The following SPAG17 variants were observed in gnomAD, a reference collection of about 807,000 sequenced individuals.
SPAG17 encodes sperm-associated antigen 17.
In SPAG17, 169 loss-of-function variants were observed where a neutral mutation model predicts 273.6. The observed-to-expected ratio is 0.62, with a 90% CI of 0.55 to 0.70. The LOEUF (loss-of-function observed/expected upper bound fraction) is 0.70. SPAG17 is among the 30% of genes least tolerant of loss of function. SPAG17 has a pLI of 0.00. For synonymous variants in SPAG17, 825 were observed against 873.2 expected (o/e 0.94, Z 0.97); for missense variants, 2,557 against 2,627.8 (o/e 0.97, Z 0.59).
At chr1:118,124,051 T>A (rs905358246) in intron 3 of SPAG17, among the ~76,000 whole-genome samples, 2 of 152,242 alleles carry the variant, frequency 1.3e-5, no homozygotes, top group African/African-American at 4.8e-5. Context: ...GCTTCCTTTT[T>A]ATTAAGGAGT....
intron 10 of SPAG17, among the ~76,000 whole-genome samples, chr1:118,089,331 A>ATGTGTGTGTGTGTGTGTG (rs1399944267): frequency 2.3e-5 from 1 of 43,644 alleles, no homozygotes; most frequent in Non-Finnish European, 4.9e-5. Context: ...TATGTAGATG[A>ATGTGTGTGTGTGTGTGTG]CGTGTGTGTG....
Position 118,062,773 on chromosome 1 carries a change from T to C in SPAG17, c.2540+3972A>G, listed in dbSNP as rs563622351. Among the ~76,000 whole-genome samples, 94 of 152,298 alleles carry C rather than the reference T, an allele frequency of 6.2e-4. 1 individual carries two copies. Among genetic ancestry groups the C allele is most frequent in the African/African-American group, 1.9e-3 (77 of 41,550 alleles). The stretch of plus-strand genomic sequence containing the variant: ...GTGGAAGATTTAAAAAATACATCAC[T>C]ACGGTCAGAAATTAGAGAACATTCC... On this transcript the variant is annotated intron_variant, in intron 18 of 48. Transcript: ENST00000336338.
chr1:118,117,947 A>G (rs1657188771), intron 3 of SPAG17, among the ~76,000 whole-genome samples: 1 of 152,268 alleles, frequency 6.6e-6, no homozygotes, highest in African/African-American at 2.4e-5. Flanking sequence ...ATCTGAGACA[A>G]CATTTTCATG....
chr1:118,054,698 T>A lies in SPAG17; in HGVS notation c.2723-605A>T, dbSNP rs181500544. 8.4e-3 allele frequency among the ~76,000 whole-genome samples: 1,277 copies of A among 152,134 alleles called. 5 individuals carry two copies. The highest frequency in any genetic ancestry group is 0.017 in the African/African-American group (722 of 41,546). ...TAGAGGGCAGCCCTACCCATTTTTTTAAAAAATATAGTCCTATCTATTTAT... is the reference window on the plus strand; with the variant it reads ...TAGAGGGCAGCCCTACCCATTTTTTAAAAAAATATAGTCCTATCTATTTAT... On this transcript the variant is annotated intron_variant, in intron 19 of 48. Coordinates refer to ENST00000336338, the MANE Select transcript of SPAG17 (RefSeq NM_206996.4).
At chr1:118,126,637 C>G (rs1034562550) in intron 3 of SPAG17, among the ~76,000 whole-genome samples, 1 of 152,158 alleles carries the variant, frequency 6.6e-6, no homozygotes, top group Non-Finnish European at 1.5e-5. Context: ...TATAGGTTGT[C>G]TCTTCACTCT....
intron 25 of SPAG17, among the ~76,000 whole-genome samples, chr1:118,030,145 C>T (rs1648269586): frequency 2.0e-5 from 3 of 151,810 alleles, no homozygotes; most frequent in African/African-American, 7.3e-5. Context: ...AACACTTGAA[C>T]ATTTTTACTT....
chr1:117,976,901 G>T (rs906656877), intron 43 of SPAG17, among the ~76,000 whole-genome samples: 1 of 152,090 alleles, frequency 6.6e-6, no homozygotes, highest in Non-Finnish European at 1.5e-5. Flanking sequence ...TGACTCTATT[G>T]TATTTTCCAG....
chr1:117,954,016 A>G lies in SPAG17; in HGVS notation c.*34T>C, dbSNP rs1264374677. 6.2e-7 allele frequency: 1 copy of G among 1,611,350 alleles called. No homozygotes were observed. The highest frequency in any genetic ancestry group is 1.1e-5 in the South Asian group (1 of 90,928). On this transcript the variant is annotated 3_prime_UTR_variant, in exon 49 of 49. Coordinates refer to ENST00000336338, the MANE Select transcript of SPAG17 (RefSeq NM_206996.4). ...TTCTCATCCTCTGTAGGCTGAGAGG[A>G]TTATGGAGGCTATTGAGTTGTACCG...
Position 118,055,742 on chromosome 1 carries a change from CT to C in SPAG17, c.2712del (p.Glu905AsnfsTer29). On this transcript the variant is annotated frameshift_variant, in exon 19 of 49. Transcript: ENST00000336338. LOFTEE classifies it high-confidence loss of function. ...LTSASKIFSI[K>X]ESKSNKGISK... ...TGAACTGGTTACTTACTTTTAGATT[CT>C]TTAATGGAAAAAATTTTGCTAGCAG... 1.2e-6 allele frequency: 2 copies of C among 1,611,134 alleles called. No homozygotes were observed. The highest frequency in any genetic ancestry group is 2.2e-5 in the South Asian group (2 of 90,332).
At chr1:118,150,386 A>AT (rs901076722) in intron 3 of SPAG17, 157 bp downstream of exon 3, 48 of 418,274 alleles carry the variant, frequency 1.1e-4, no homozygotes, top group Non-Finnish European at 1.7e-4. Context: ...AAGGAGGCAG[A>AT]TTTTTTTTGT....
intron 32 of SPAG17, among the ~76,000 whole-genome samples, chr1:118,004,854 G>A (rs1658708129): frequency 6.6e-6 from 1 of 152,206 alleles, no homozygotes; most frequent in Admixed American, 6.5e-5. Flanking sequence ...AGATGAACCA[G>A]GTACTTCAGT....
chr1:117,968,970 G>A (rs118048268), intron 46 of SPAG17, among the ~76,000 whole-genome samples: 2,030 of 152,114 alleles, frequency 0.013, 44 homozygotes, highest in South Asian at 0.099. Context: ...CATCCTCTGC[G>A]CCCTGACCAC....
At chr1:118,099,871 T>C (rs1655951641) in intron 5 of SPAG17, 71 bp from the exon 6 acceptor site, 1 of 1,334,290 alleles carries the variant, frequency 7.5e-7, no homozygotes, top group Non-Finnish European at 1.1e-6. Context: ...GCCAGTTCAA[T>C]GGCTATATAC....
chr1:118,067,000 A>C, intron 17 of SPAG17, 101 bp from the exon 18 acceptor site: 1 of 1,051,954 alleles, frequency 9.5e-7, no homozygotes. Flanking sequence ...TCCTACATTC[A>C]CCTCTACATT....
At chr1:117,999,384 A>G (rs1462532345) in intron 32 of SPAG17, among the ~76,000 whole-genome samples, 1 of 152,148 alleles carries the variant, frequency 6.6e-6, no homozygotes, top group Non-Finnish European at 1.5e-5. Context: ...TTCTGGTTCT[A>G]GGGCCTTGAG....
intron 1 of SPAG17, among the ~76,000 whole-genome samples, chr1:118,183,572 A>G (rs1208837720): frequency 6.6e-6 from 1 of 152,246 alleles, no homozygotes; most frequent in Non-Finnish European, 1.5e-5. Context: ...CTATTAATAC[A>G]TAAGATTTAT....
At chr1:118,153,844 C>T (rs890103151) in intron 1 of SPAG17, among the ~76,000 whole-genome samples, 1 of 148,148 alleles carries the variant, frequency 6.8e-6, no homozygotes, top group African/African-American at 2.5e-5. Flanking sequence ...GACTCCGTCT[C>T]AAAGAAAAAA....
intron 46 of SPAG17, among the ~76,000 whole-genome samples, chr1:117,968,766 T>C (rs151237821): frequency 3.3e-5 from 5 of 152,156 alleles, no homozygotes; most frequent in Non-Finnish European, 5.9e-5. Context: ...TCAGGGAGCA[T>C]TGGGTGCTTG....
At position 118,040,783 on chromosome 1, in the gene SPAG17, A is replaced by G; in HGVS notation, c.3113T>C (p.Leu1038Pro). ...PTQISGSNYY[L>P]YPSDGGQIEV... is the part of the protein sequence containing the mutation. ...AATCTGCCCCCCATCAGAAGGATAC[A>G]GGTAGTAATTTGACCCTGAGATTTG... The change falls in exon 22 of 49, where the codon CTG becomes CCG. Residue 1038 changes from leucine (L) to proline (P), a missense_variant. Physicochemically the swap from Leu to Pro is moderately conservative, Grantham distance 98. Coordinates refer to ENST00000336338, the MANE Select transcript of SPAG17 (RefSeq NM_206996.4). The G allele has an allele frequency of 1.2e-6, 2 of 1,607,280 alleles. No homozygotes were observed. Among genetic ancestry groups the G allele is most frequent in the African/African-American group, 2.7e-5 (2 of 74,980 alleles).
Sources: gnomAD v4.1 joint callset for allele counts (sites outside exome capture counted in the v4.1 genomes callset) on GRCh38, gnomAD v4.1.1 for gene constraint, MANE v1.5 for transcripts, NCBI Gene and HGNC (gene_info 2026-07-23, HGNC 2026-07-21) for gene names.